SIAH2: variants seen among roughly 807,000 people sequenced by gnomAD.
The protein encoded by SIAH2 is siah E3 ubiquitin protein ligase 2, also known as E3 ubiquitin-protein ligase SIAH2.
In SIAH2, 4 loss-of-function variants were observed where a neutral mutation model predicts 20.4. The observed-to-expected ratio is 0.20, with a 90% confidence interval of 0.10 to 0.45. The LOEUF is 0.45. Ranked by LOEUF, SIAH2 falls within the 20% of genes least tolerant of loss-of-function variation. SIAH2 has a pLI of 0.99. For synonymous variants in SIAH2, 171 were observed against 192.5 expected (o/e 0.89, Z 0.93); for missense variants, 259 against 440.3 (o/e 0.59, Z 3.69).
chr3:150,754,268 T>C (rs936536739), intron 1 of SIAH2, among the ~76,000 whole-genome samples: 2 of 152,176 alleles, frequency 1.3e-5, no homozygotes, highest in African/African-American at 4.8e-5. Context: ...CTTCTGCTTC[T>C]AGGGAGGCCT....
At position 150,762,248 on chromosome 3, in the gene SIAH2, G is replaced by A. The variant is rs539773437; in HGVS notation, c.417+185C>T. On this transcript the variant is annotated intron_variant, in intron 1 of 1. Coordinates refer to ENST00000312960, the MANE Select transcript of SIAH2 (RefSeq NM_005067.7). This position sits in a 1 kb window ranked among gnomAD's most constrained non-coding sequence, Gnocchi z 6.6. ...ATTGTCTATTAACAATTATTACTCG[G>A]TAAATGTCAACCCAGACCTACACCC... 5.3e-4 allele frequency: 639 copies of A among 1,205,476 alleles called. No individual in the cohort carries two copies. Among genetic ancestry groups the A allele is most frequent in the Non-Finnish European group, 6.7e-4 (597 of 893,152 alleles). The allele number at this position is 1,205,476 out of a possible 1,614,324, so 74.7% of individuals were successfully genotyped here.
At chr3:150,750,374 C>T (rs947542560) in intron 1 of SIAH2, among the ~76,000 whole-genome samples, 1 of 151,974 alleles carries the variant, frequency 6.6e-6, no homozygotes, top group African/African-American at 2.4e-5. Context: ...GATGTATCTG[C>T]CGAAGATGGA....
chr3:150,761,640 G>A (rs1472216377), intron 1 of SIAH2, among the ~76,000 whole-genome samples: 1 of 152,116 alleles, frequency 6.6e-6, no homozygotes, highest in Non-Finnish European at 1.5e-5. Context: ...GAAAGGAGGG[G>A]AGAGATCTTG....
chr3:150,747,548 T>G (rs1714245556), intron 1 of SIAH2, among the ~76,000 whole-genome samples: 1 of 152,186 alleles, frequency 6.6e-6, no homozygotes. Context: ...AGATTTCTCC[T>G]TAGGGAAATA....
At chr3:150,743,530 G>A (rs1302922163) in intron 1 of SIAH2, among the ~76,000 whole-genome samples, 1 of 152,194 alleles carries the variant, frequency 6.6e-6, no homozygotes, top group African/African-American at 2.4e-5. Context: ...TCATGGTCAG[G>A]TATGTCAGGT....
At chr3:150,754,909 A>T (rs1370716509) in intron 1 of SIAH2, among the ~76,000 whole-genome samples, 1 of 152,212 alleles carries the variant, frequency 6.6e-6, no homozygotes. Flanking sequence ...TATGATTAAG[A>T]GTAGGGAAGG....
At chr3:150,759,776 GC>G (rs1363893108) in intron 1 of SIAH2, among the ~76,000 whole-genome samples, 1 of 152,082 alleles carries the variant, frequency 6.6e-6, no homozygotes, top group African/African-American at 2.4e-5. Context: ...ATTCCAGATA[GC>G]CTCCCTTCTT....
Position 150,762,338 on chromosome 3 carries a change from G to T in SIAH2, c.417+95C>A. On this transcript the variant is annotated intron_variant, in intron 1 of 1. Transcript: ENST00000312960. The surrounding 1 kb of genome is among the most constrained non-coding windows in gnomAD (Gnocchi z 6.6). ...TTTTCTTTTTTTTTTTTAAATGAGA[G>T]ATGCCGCCCGCCTCTCCGGGCCTGC... 6.7e-7 allele frequency: 1 copy of T among 1,491,708 alleles called. No individual in the cohort carries two copies. The highest frequency in any genetic ancestry group is 8.9e-7 in the Non-Finnish European group (1 of 1,125,894). 92.4% of individuals were successfully genotyped at this position (1,491,708 alleles called of 1,614,324 possible). A position where few individuals can be genotyped will look rare whatever the true frequency, so the allele number is the denominator to read the frequency against.
intron 1 of SIAH2, among the ~76,000 whole-genome samples, chr3:150,758,401 T>C (rs1209086490): frequency 2.0e-5 from 3 of 151,968 alleles, no homozygotes; most frequent in Non-Finnish European, 2.9e-5. Context: ...TAGACTATGT[T>C]GTTGATATGA....
chr3:150,750,170 T>C (rs1173736144), intron 1 of SIAH2, among the ~76,000 whole-genome samples: 1 of 152,248 alleles, frequency 6.6e-6, no homozygotes, highest in Non-Finnish European at 1.5e-5. Context: ...TCAGTCAAAC[T>C]TTTAAAAGGA....
At chr3:150,752,563 C>T (rs941561873) in intron 1 of SIAH2, among the ~76,000 whole-genome samples, 1 of 151,936 alleles carries the variant, frequency 6.6e-6, no homozygotes, top group African/African-American at 2.4e-5. Context: ...GAGCCAAGAT[C>T]GCACCACTGC....
chr3:150,750,225 C>A (rs150260447), intron 1 of SIAH2, among the ~76,000 whole-genome samples: 2 of 152,262 alleles, frequency 1.3e-5, no homozygotes, highest in East Asian at 3.9e-4. Context: ...AAAATGTTTA[C>A]CTGCCCCACA....
At chr3:150,749,992 T>C (rs1342116907) in intron 1 of SIAH2, among the ~76,000 whole-genome samples, 1 of 152,104 alleles carries the variant, frequency 6.6e-6, no homozygotes, top group Non-Finnish European at 1.5e-5. Context: ...TTTTGGGAGG[T>C]GAACCTGGAA....
intron 1 of SIAH2, among the ~76,000 whole-genome samples, chr3:150,757,378 A>C (rs1714505680): frequency 6.6e-6 from 1 of 152,206 alleles, no homozygotes; most frequent in Non-Finnish European, 1.5e-5. Context: ...ATCTAGTCAC[A>C]AGGCCATCAT....
chr3:150,762,576 G>T lies in SIAH2; in HGVS notation c.274C>A (p.Leu92Met). The T allele has an allele frequency of 1.2e-6, 2 of 1,613,372 alleles. No homozygotes were observed. Among genetic ancestry groups the T allele is most frequent in the South Asian group, 2.2e-5 (2 of 91,060 alleles). Residue 92 changes from leucine to methionine, a missense_variant, in exon 1 of 2, where the codon CTG (leucine) becomes ATG (methionine). By Grantham distance (15) the Leu-to-Met change is conservative. Around this residue, in one of 2 missense-constraint regions of SIAH2, gnomAD observed 160 missense variants for 327.6 expected, o/e 0.49. Transcript: ENST00000312960. The surrounding 1 kb of genome is among the most constrained non-coding windows in gnomAD (Gnocchi z 6.6). ...ACCAGGTGCCCGGCCTGGCACTGCA[G>T]AATAGGAGGCAGGACATAGTCAAAG... ...VCFDYVLPPILQCQAGHLVCN... is the reference protein window; with the variant it reads ...VCFDYVLPPIMQCQAGHLVCN...
At position 150,762,310 on chromosome 3, in the gene SIAH2, A is replaced by C; in HGVS notation, c.417+123T>G. The C allele has an allele frequency of 6.8e-7, 1 of 1,465,108 alleles. No homozygotes were observed. The highest frequency in any genetic ancestry group is 8.9e-7 in the Non-Finnish European group (1 of 1,117,584). The allele number at this position is 1,465,108 out of a possible 1,614,324, so 90.8% of individuals were successfully genotyped here. A position where few individuals can be genotyped will look rare whatever the true frequency, so the allele number is the denominator to read the frequency against. On this transcript the variant is annotated intron_variant, in intron 1 of 1. Coordinates refer to ENST00000312960, the MANE Select transcript of SIAH2 (RefSeq NM_005067.7). This position sits in a 1 kb window ranked among gnomAD's most constrained non-coding sequence, Gnocchi z 6.6. Reference sequence around the variant, plus strand: ...GAGGGAGGGTGGACGAAGTGTAAACATTTTTTCTTTTTTTTTTTTAAATGA... The same window carrying C: ...GAGGGAGGGTGGACGAAGTGTAAACCTTTTTTCTTTTTTTTTTTTAAATGA...
chr3:150,742,093 A>G lies in SIAH2; in HGVS notation c.*48T>C. On this transcript the variant is annotated 3_prime_UTR_variant, in exon 2 of 2. Transcript: ENST00000312960. The surrounding 1 kb of genome is among the most constrained non-coding windows in gnomAD (Gnocchi z 4.8). ...AAACATCTATAAAAACCTTTATTAA[A>G]CATAGAGCACTATGCCCAAATAATT... The G allele has an allele frequency of 6.6e-7, 1 of 1,511,688 alleles. No homozygotes were observed. The highest frequency in any genetic ancestry group is 9.0e-7 in the Non-Finnish European group (1 of 1,111,306). 93.6% of individuals were successfully genotyped at this position (1,511,688 alleles called of 1,614,324 possible).
intron 1 of SIAH2, among the ~76,000 whole-genome samples, chr3:150,761,462 T>C (rs1158465560): frequency 6.6e-6 from 1 of 152,230 alleles, no homozygotes; most frequent in Non-Finnish European, 1.5e-5. Flanking sequence ...ATAATATGAA[T>C]TTAAGAACAG....
At position 150,763,055 on chromosome 3, in the gene SIAH2, G is replaced by T; in HGVS notation, c.-206C>A. ...CCGCAGCCCCCGGCGTTCCGAGCAC[G>T]CCTCCGCGTCGGACCCCGCGCGGTG... On this transcript the variant is annotated 5_prime_UTR_variant, in exon 1 of 2. Transcript: ENST00000312960. The surrounding 1 kb of genome is among the most constrained non-coding windows in gnomAD (Gnocchi z 4.1). 2.5e-6 allele frequency: 1 copy of T among 402,994 alleles called. No individual in the cohort carries two copies. The highest frequency in any genetic ancestry group is 3.5e-6 in the Non-Finnish European group (1 of 287,374). 25.0% of individuals were successfully genotyped at this position (402,994 alleles called of 1,614,324 possible).
Sources: gnomAD v4.1 joint callset for allele counts (sites outside exome capture counted in the v4.1 genomes callset) on GRCh38, gnomAD v4.1.1 for gene constraint, gnomAD v4.1.1 regional missense constraint, Gnocchi (gnomAD v3.1) non-coding constraint, MANE v1.5 for transcripts, NCBI Gene and HGNC (gene_info 2026-07-23, HGNC 2026-07-21) for gene names.